PSMA1: variants seen among roughly 807,000 people sequenced by gnomAD.
PSMA1 encodes the protein proteasome 20S subunit alpha 1.
PSMA1 carries 3 observed loss-of-function variants against 38.4 expected under a neutral mutation model. The ratio of observed to expected loss-of-function variants is 0.08; its 90% CI spans 0.04 to 0.20. The LOEUF is 0.20. Ranked by LOEUF, PSMA1 falls within the 10% of genes least tolerant of loss-of-function variation. The pLI, the probability that PSMA1 is intolerant of heterozygous loss-of-function variation, is 1.00. For missense variants in PSMA1, 227 were observed against 325.3 expected (o/e 0.70, Z 2.32); for synonymous variants, 101 against 107.1 (o/e 0.94, Z 0.35).
intron 5 of PSMA1, chr11:14,514,099 TC>T (rs1248283915): frequency 2.3e-6 from 3 of 1,320,334 alleles, no homozygotes; most frequent in Non-Finnish European, 9.6e-7. Context: ...AATAATTTCT[TC>T]CCATCTAAAA....
intron 2 of PSMA1, among the ~76,000 whole-genome samples, chr11:14,558,055 A>G (rs1284590842): frequency 6.6e-6 from 1 of 152,096 alleles, no homozygotes; most frequent in Non-Finnish European, 1.5e-5. Context: ...TGGTGCCGAT[A>G]GTCAAATACA....
At chr11:14,567,336 C>A (rs1485693296) in intron 2 of PSMA1, among the ~76,000 whole-genome samples, 1 of 152,196 alleles carries the variant, frequency 6.6e-6, no homozygotes, top group Non-Finnish European at 1.5e-5. Context: ...AAAGATGAGA[C>A]ATTTGGCTGG....
At chr11:14,620,520 G>C (rs927355412) in intron 1 of PSMA1, among the ~76,000 whole-genome samples, 1 of 152,186 alleles carries the variant, frequency 6.6e-6, no homozygotes, top group African/African-American at 2.4e-5. Flanking sequence ...AAACCATCTG[G>C]ATGTTAAAAG....
chr11:14,637,499 A>G (rs1853125018), intron 1 of PSMA1, among the ~76,000 whole-genome samples: 1 of 152,238 alleles, frequency 6.6e-6, no homozygotes, highest in Non-Finnish European at 1.5e-5. Flanking sequence ...AGCATCAAGT[A>G]CATGCTGAAT....
At chr11:14,507,821 A>T in intron 8 of PSMA1, 55 bp from the exon 9 acceptor site, 1 of 1,138,196 alleles carries the variant, frequency 8.8e-7, no homozygotes, top group Non-Finnish European at 1.3e-6. Context: ...GAAAAAATAC[A>T]TACGATAAAA....
At chr11:14,518,328 G>T (rs1192017680) in intron 2 of PSMA1, among the ~76,000 whole-genome samples, 1 of 152,186 alleles carries the variant, frequency 6.6e-6, no homozygotes, top group South Asian at 2.1e-4. Flanking sequence ...TGAACTCCAA[G>T]ACTCAAGCAA....
At chr11:14,525,792 T>C (rs561991998) in intron 2 of PSMA1, among the ~76,000 whole-genome samples, 1 of 152,314 alleles carries the variant, frequency 6.6e-6, no homozygotes, top group East Asian at 1.9e-4. Flanking sequence ...CACCCATCAG[T>C]CCCAGCAGCT....
At chr11:14,574,974 A>T (rs895309504) in intron 2 of PSMA1, among the ~76,000 whole-genome samples, 3 of 152,314 alleles carry the variant, frequency 2.0e-5, no homozygotes, top group Admixed American at 2.0e-4. Context: ...AGGGCTCAGA[A>T]GAAGAAAGGA....
Position 14,508,760 on chromosome 11 carries a change from C to G in PSMA1, c.625-994G>C, listed in dbSNP as rs191783849. ...TCCCATTCTCTCCTGATTCCACTATCAGGTTTTTGCCTTATTATTCCATTA... is the reference window on the plus strand; with the variant it reads ...TCCCATTCTCTCCTGATTCCACTATGAGGTTTTTGCCTTATTATTCCATTA... On this transcript the variant is annotated intron_variant, in intron 8 of 9. Transcript: ENST00000396394. 1.0e-3 allele frequency among the ~76,000 whole-genome samples: 159 copies of G among 152,256 alleles called. 1 individual carries two copies. Among genetic ancestry groups the G allele is most frequent in the East Asian group, 4.4e-3 (23 of 5,188 alleles).
intron 2 of PSMA1, among the ~76,000 whole-genome samples, chr11:14,610,656 T>C (rs986330081): frequency 2.0e-5 from 3 of 152,220 alleles, no homozygotes; most frequent in Admixed American, 1.3e-4. Context: ...TCTAGTGTTA[T>C]ATATCCCTCC....
intron 9 of PSMA1, among the ~76,000 whole-genome samples, chr11:14,507,134 T>C (rs1367131502): frequency 6.6e-6 from 1 of 151,994 alleles, no homozygotes; most frequent in African/African-American, 2.4e-5. Flanking sequence ...TACCTAGCAA[T>C]AGATAACCAA....
intron 2 of PSMA1, among the ~76,000 whole-genome samples, chr11:14,558,105 G>C (rs983676254): frequency 1.3e-5 from 2 of 151,970 alleles, no homozygotes; most frequent in Admixed American, 1.3e-4. Flanking sequence ...CAAGTGGAAG[G>C]ATAATCATAT....
At chr11:14,537,823 C>T (rs1206587961) in intron 2 of PSMA1, among the ~76,000 whole-genome samples, 2 of 151,484 alleles carry the variant, frequency 1.3e-5, no homozygotes, top group Non-Finnish European at 2.9e-5. Context: ...ATTCTCATGC[C>T]TCAGCCTCCC....
intron 4 of PSMA1, 49 bp downstream of exon 4, chr11:14,517,592 TA>T (rs1249810910): frequency 7.2e-7 from 1 of 1,387,772 alleles, no homozygotes; most frequent in East Asian, 2.4e-5. Context: ...TTGAGAAAAC[TA>T]ATCAATTATG....
At chr11:14,612,516 T>TTAGATAAAGCAGAA (rs1160402066) in intron 1 of PSMA1, among the ~76,000 whole-genome samples, 2 of 152,024 alleles carry the variant, frequency 1.3e-5, no homozygotes, top group African/African-American at 2.4e-5. Flanking sequence ...TAAAGAAACA[T>TTAGATAAAGCAGAA]TAGATAAAGC....
Position 14,514,433 on chromosome 11 carries a change from C to T in PSMA1, c.313G>A (p.Val105Met). 1 of 1,608,226 alleles carries T rather than the reference C, an allele frequency of 6.2e-7. No individual in the cohort carries two copies. The highest frequency in any genetic ancestry group is 8.5e-7 in the Non-Finnish European group (1 of 1,176,610). The change falls in exon 5 of 10, where the codon GTG (valine) becomes ATG (methionine). Residue 105 changes from valine to methionine, a missense_variant. Coordinates refer to ENST00000396394, the MANE Select transcript of PSMA1 (RefSeq NM_002786.4). ...CCAATTAGAGATACAAGACGAGACA[C>T]AGGCAGTGGTCTATCGAATACAAAT... ...SRFVFDRPLP[V>M]SRLVSLIGSK... is the part of the protein sequence containing the mutation.
chr11:14,576,611 A>T (rs1180771567), intron 2 of PSMA1, among the ~76,000 whole-genome samples: 1 of 152,100 alleles, frequency 6.6e-6, no homozygotes, highest in Non-Finnish European at 1.5e-5. Context: ...ATTATTTCTG[A>T]GGGCTCTGTT....
At chr11:14,580,167 T>C (rs919847892) in intron 2 of PSMA1, among the ~76,000 whole-genome samples, 13 of 152,210 alleles carry the variant, frequency 8.5e-5, no homozygotes. Flanking sequence ...GAATAATGGA[T>C]GATTTTCAGA....
intron 2 of PSMA1, among the ~76,000 whole-genome samples, chr11:14,553,497 A>C (rs964553056): frequency 6.6e-6 from 1 of 152,124 alleles, no homozygotes; most frequent in Non-Finnish European, 1.5e-5. Context: ...ACCCATCCCT[A>C]GTGCCACTAA....
Sources: gnomAD v4.1 joint callset for allele counts (sites outside exome capture counted in the v4.1 genomes callset) on GRCh38, gnomAD v4.1.1 for gene constraint, MANE v1.5 for transcripts, NCBI Gene and HGNC (gene_info 2026-07-23, HGNC 2026-07-21) for gene names.